TMEM248: variants seen among roughly 807,000 people sequenced by gnomAD.
The protein encoded by TMEM248 is UPF0458 protein C7orf42.
In TMEM248, 9 loss-of-function variants were observed where a neutral mutation model predicts 30.3. The observed-to-expected ratio is 0.30, with a 90% CI of 0.18 to 0.52. TMEM248 has a LOEUF of 0.52. Among genes scored for constraint, TMEM248 ranks in the 20% least tolerant of loss-of-function variants. The probability of loss-of-function intolerance (pLI) is 0.97; values close to 1 mark genes in which losing one functional copy is unlikely to be tolerated. For missense variants in TMEM248, 338 were observed against 403.3 expected (o/e 0.84, Z 1.39); for synonymous variants, 184 against 154.4 (o/e 1.19, Z -1.42).
intron 4 of TMEM248, 110 bp from the exon 5 acceptor site, chr7:66,950,842 T>G: frequency 1.2e-6 from 1 of 820,572 alleles, no homozygotes; most frequent in Non-Finnish European, 1.7e-6. Context: ...ACATTTTTCC[T>G]TTCCATGTGT....
At chr7:66,924,410 A>G (rs1258888357) in intron 1 of TMEM248, among the ~76,000 whole-genome samples, 3 of 151,916 alleles carry the variant, frequency 2.0e-5, no homozygotes, top group Non-Finnish European at 4.4e-5. Flanking sequence ...ATTTTATTTT[A>G]TATATATTTT....
chr7:66,950,442 G>A (rs1206852194), intron 4 of TMEM248, among the ~76,000 whole-genome samples: 2 of 152,132 alleles, frequency 1.3e-5, no homozygotes, highest in Non-Finnish European at 2.9e-5. Context: ...TCTCTTTGCT[G>A]CCGCCATGTG....
At chr7:66,928,610 T>G (rs1489783585) in intron 1 of TMEM248, among the ~76,000 whole-genome samples, 1 of 152,218 alleles carries the variant, frequency 6.6e-6, no homozygotes, top group African/African-American at 2.4e-5. Context: ...AAGTGGTAGC[T>G]GTTAAGAATG....
chr7:66,932,969 G>C (rs974322482), intron 1 of TMEM248, among the ~76,000 whole-genome samples: 10 of 151,896 alleles, frequency 6.6e-5, no homozygotes, highest in African/African-American at 2.2e-4. Flanking sequence ...CAAGCAATTT[G>C]TGCCTCAGCC....
At chr7:66,947,787 T>A (rs6971897) in intron 3 of TMEM248, among the ~76,000 whole-genome samples, 74,590 of 151,686 alleles carry the variant, frequency 0.49, 20,310 homozygotes, top group East Asian at 0.79. Flanking sequence ...ATTTTGAGAC[T>A]GGGTCTTGAT....
rs1792180154 is a variant in TMEM248, at chr7:66,948,663, ACGGC to A, written c.567_570del (p.Ser191LeufsTer59). On this transcript the variant is annotated frameshift_variant, in exon 4 of 7. Transcript: ENST00000341567. LOFTEE classifies it high-confidence loss of function. ...GGTATTCACAGCCTGCATGACCCTC[ACGGC>A]CAGCCCTGGGGTGTTCCCCGTCACT... 1 of 1,613,718 alleles carries A rather than the reference ACGGC, an allele frequency of 6.2e-7. No individual in the cohort carries two copies. The highest frequency in any genetic ancestry group is 8.5e-7 in the Non-Finnish European group (1 of 1,179,814).
intron 4 of TMEM248, among the ~76,000 whole-genome samples, chr7:66,949,157 GAAAGAA>G (rs1342693567): frequency 3.4e-5 from 5 of 148,722 alleles, no homozygotes; most frequent in Admixed American, 6.7e-5. Context: ...AAAAAAAAAA[GAAAGAA>G]AAAGAAAAAA....
chr7:66,953,573 G>A (rs186020234), intron 6 of TMEM248, among the ~76,000 whole-genome samples: 171 of 152,224 alleles, frequency 1.1e-3, no homozygotes, highest in African/African-American at 3.9e-3. Flanking sequence ...CTGTAAAATG[G>A]TACAGTATTT....
chr7:66,928,134 G>C (rs1449845442), intron 1 of TMEM248, among the ~76,000 whole-genome samples: 1 of 152,088 alleles, frequency 6.6e-6, no homozygotes, highest in East Asian at 1.9e-4. Flanking sequence ...AGAATCACTC[G>C]AACCCAGGAA....
intron 1 of TMEM248, among the ~76,000 whole-genome samples, chr7:66,931,914 C>T (rs1424114920): frequency 6.7e-6 from 1 of 148,396 alleles, no homozygotes; most frequent in African/African-American, 2.5e-5. Flanking sequence ...ATGCCATTCT[C>T]CTGCCTCAGC....
At chr7:66,934,181 TTTA>T (rs755359231) in intron 1 of TMEM248, among the ~76,000 whole-genome samples, 10 of 151,088 alleles carry the variant, frequency 6.6e-5, no homozygotes, top group East Asian at 1.9e-4. Context: ...CAAGCTTTCT[TTTA>T]TTATTATTAT....
intron 3 of TMEM248, among the ~76,000 whole-genome samples, chr7:66,946,100 A>AT (rs1554336638): frequency 2.0e-5 from 3 of 149,038 alleles, no homozygotes; most frequent in African/African-American, 7.4e-5. Context: ...AAAAAAAAAA[A>AT]GAAGTCAGCT....
chr7:66,949,420 A>G (rs1792202817), intron 4 of TMEM248, among the ~76,000 whole-genome samples: 1 of 152,186 alleles, frequency 6.6e-6, no homozygotes, highest in Non-Finnish European at 1.5e-5. Context: ...GTGAGCTGAG[A>G]TCGCGCCACT....
intron 1 of TMEM248, among the ~76,000 whole-genome samples, chr7:66,925,694 CTTT>C (rs762948450): frequency 2.2e-5 from 3 of 137,798 alleles, no homozygotes; most frequent in Admixed American, 7.3e-5. Flanking sequence ...GTAGTTTTTT[CTTT>C]TTTTTTTTTT....
chr7:66,940,699 A>G lies in TMEM248; in HGVS notation c.-18-1149A>G, dbSNP rs113804322. Among the ~76,000 whole-genome samples, 386 of 152,334 alleles carry G rather than the reference A, an allele frequency of 2.5e-3. 1 individual carries two copies. Among genetic ancestry groups the G allele is most frequent in the African/African-American group, 8.9e-3 (372 of 41,576 alleles). The stretch of plus-strand genomic sequence containing the variant: ...CTGAGTCCTGAAAACCCTGTGGGCC[A>G]TGACAGGGAGCTATTGCCGACCTCT... On this transcript the variant is annotated intron_variant, in intron 1 of 6. Transcript: ENST00000341567.
intron 4 of TMEM248, among the ~76,000 whole-genome samples, chr7:66,950,432 TC>T (rs1792231046): frequency 6.6e-6 from 1 of 152,126 alleles, no homozygotes; most frequent in South Asian, 2.1e-4. Flanking sequence ...ATTTGGCACT[TC>T]TCTTTGCTGC....
chr7:66,930,536 C>G (rs117415283), intron 1 of TMEM248: 1 of 152,220 alleles, frequency 6.6e-6, no homozygotes, highest in Admixed American at 6.5e-5. Context: ...CAGCTTTGGA[C>G]TTAGCAGCCC....
chr7:66,927,326 A>G (rs1224216185), intron 1 of TMEM248, among the ~76,000 whole-genome samples: 2 of 152,126 alleles, frequency 1.3e-5, no homozygotes, highest in East Asian at 1.9e-4. Flanking sequence ...CCAGACATGT[A>G]ATTATGTCAG....
intron 1 of TMEM248, among the ~76,000 whole-genome samples, chr7:66,932,794 G>A (rs1403101471): frequency 1.3e-5 from 2 of 151,166 alleles, no homozygotes; most frequent in Middle Eastern, 3.4e-3. Context: ...AGGATTACAG[G>A]CATGAGCCAC....
Sources: allele counts gnomAD v4.1 joint callset (sites outside exome capture counted in the v4.1 genomes callset), GRCh38; gene constraint gnomAD v4.1.1; transcripts MANE v1.5; gene names NCBI Gene and HGNC (gene_info 2026-07-23, HGNC 2026-07-21).